ARHGEF10L: variants seen among roughly 807,000 people sequenced by gnomAD.
ARHGEF10L encodes the protein rho guanine nucleotide exchange factor 10-like protein.
Under a neutral mutation model 141.2 loss-of-function variants are expected in ARHGEF10L, and 69 were observed. That is an observed-to-expected ratio of 0.49 (90% CI 0.40 to 0.60). The LOEUF is 0.60. Among genes scored for constraint, ARHGEF10L ranks in the 20% least tolerant of loss-of-function variants. The pLI is 0.00. For missense variants in ARHGEF10L, 1,482 were observed against 1,734.3 expected, an observed-to-expected ratio of 0.85 and a Z score of 2.58; for synonymous variants, 711 against 718.5, an observed-to-expected ratio of 0.99 and a Z score of 0.17.
chr1:17,520,145 C>G, the ARHGEF10L span, among the ~76,000 whole-genome samples: 1 of 152,210 alleles, frequency 6.6e-6, no homozygotes, highest in African/African-American at 2.4e-5. Flanking sequence ...GGCCAGCTTC[C>G]TGGTCCTCCC....
the ARHGEF10L span, among the ~76,000 whole-genome samples, chr1:17,532,879 G>A: frequency 6.6e-6 from 1 of 152,116 alleles, no homozygotes; most frequent in Non-Finnish European, 1.5e-5. Flanking sequence ...ACAAGTGTGA[G>A]CTACTGCACC....
At chr1:17,514,910 C>T in the ARHGEF10L span, among the ~76,000 whole-genome samples, 3 of 152,246 alleles carry the variant, frequency 2.0e-5, no homozygotes, top group Admixed American at 6.5e-5. Flanking sequence ...CCAGCGGCCC[C>T]GTCCAGCCCA....
chr1:17,638,648 C>A lies in ARHGEF10L; in HGVS notation c.2130C>A (p.Asn710Lys). Residue 710 changes from asparagine (N) to lysine (K), a missense_variant, in exon 20 of 29, where the codon AAC becomes AAA. By Grantham distance (94) the Asn-to-Lys change is moderately conservative. This residue lies in a region of ARHGEF10L where 858 missense variants were observed against 966.3 expected (regional missense o/e 0.89). Transcript: ENST00000361221. ...AGGAGGAAGAGATCCACTCGGCCAA[C>A]AAGTGCCGTCTCAGGCTCCTGCTTC... Reference protein sequence around the residue: ...RVKEEEIHSANKCRLRLLLPG... With the variant: ...RVKEEEIHSAKKCRLRLLLPG... The A allele has an allele frequency of 6.2e-7, 1 of 1,614,134 alleles. No homozygotes were observed. Among genetic ancestry groups the A allele is most frequent in the Non-Finnish European group, 8.5e-7 (1 of 1,180,028 alleles).
chr1:17,589,863 G>T (rs1178122616), intron 4 of ARHGEF10L, among the ~76,000 whole-genome samples: 2 of 152,136 alleles, frequency 1.3e-5, no homozygotes, highest in Non-Finnish European at 2.9e-5. Context: ...CGCCCAGGGA[G>T]CTGGGACACT....
intron 20 of ARHGEF10L, among the ~76,000 whole-genome samples, chr1:17,638,891 GAATT>G (rs1210481279): frequency 6.6e-6 from 1 of 152,366 alleles, no homozygotes; most frequent in East Asian, 1.9e-4. Context: ...ATGAATGAAT[GAATT>G]AATGAACAGC....
the ARHGEF10L span, among the ~76,000 whole-genome samples, chr1:17,529,833 T>A: frequency 1.4e-5 from 2 of 143,744 alleles, 1 homozygote; most frequent in African/African-American, 5.2e-5. Context: ...TCTTTTTTTT[T>A]TTTTTTTTTT....
chr1:17,585,084 C>T (rs1026455885), intron 2 of ARHGEF10L, among the ~76,000 whole-genome samples: 1 of 152,122 alleles, frequency 6.6e-6, no homozygotes, highest in Non-Finnish European at 1.5e-5. Flanking sequence ...TGTTTAGAAA[C>T]ATCTGAAACA....
rs1486725809 is a variant in ARHGEF10L at position 17,616,312 on chromosome 1, G to A, written c.835+110G>A. 9.9e-6 allele frequency: 9 copies of A among 911,550 alleles called. No homozygotes were observed. In the East Asian group the frequency reaches 1.3e-4, roughly 13 times the overall value. 56.5% of individuals were successfully genotyped at this position (911,550 alleles called of 1,614,324 possible). A position where few individuals can be genotyped will look rare whatever the true frequency, so the allele number is the denominator to read the frequency against. On this transcript the variant is annotated intron_variant, in intron 9 of 28. Transcript: ENST00000361221. Reference sequence around the variant, plus strand: ...GGTCATGCTGGGTGGGTACCACTTGGCGTATGGTTCCTCTGGTGGTGGGGG... The same window carrying A: ...GGTCATGCTGGGTGGGTACCACTTGACGTATGGTTCCTCTGGTGGTGGGGG...
intron 4 of ARHGEF10L, among the ~76,000 whole-genome samples, chr1:17,591,543 T>TGG (rs2079547470): frequency 6.6e-6 from 1 of 152,112 alleles, no homozygotes; most frequent in African/African-American, 2.4e-5. Context: ...CCTGAGTAGC[T>TGG]GGGATTACAG....
chr1:17,556,226 C>T (rs1162955944), intron 1 of ARHGEF10L, among the ~76,000 whole-genome samples: 3 of 100,348 alleles, frequency 3.0e-5, no homozygotes, highest in Non-Finnish European at 5.6e-5. Context: ...GCTGGGAGCA[C>T]GGAGGTGAGC....
the ARHGEF10L span, among the ~76,000 whole-genome samples, chr1:17,519,368 G>A: frequency 6.6e-6 from 1 of 152,012 alleles, no homozygotes; most frequent in Non-Finnish European, 1.5e-5. Flanking sequence ...CCAGCACTTT[G>A]GGAGGCCTAG....
At chr1:17,604,162 T>C (rs1320131596) in intron 6 of ARHGEF10L, among the ~76,000 whole-genome samples, 7 of 152,072 alleles carry the variant, frequency 4.6e-5, no homozygotes. Context: ...AATCATGTAA[T>C]GGCTTCAAGA....
chr1:17,545,326 C>A (rs1407202868), intron 1 of ARHGEF10L, among the ~76,000 whole-genome samples: 1 of 152,234 alleles, frequency 6.6e-6, no homozygotes, highest in African/African-American at 2.4e-5. Flanking sequence ...TTTGAACTTA[C>A]ATTTTGGTGT....
intron 25 of ARHGEF10L, among the ~76,000 whole-genome samples, chr1:17,658,079 G>A (rs770884788): frequency 2.0e-5 from 3 of 152,220 alleles, no homozygotes; most frequent in South Asian, 2.1e-4. Context: ...GCTGCTTCAG[G>A]TGTTTCCTTG....
chr1:17,634,466 GGCCCCCAGCGGGGTCACA>G, intron 16 of ARHGEF10L, 64 bp from the exon 17 acceptor site: 1 of 1,608,676 alleles, frequency 6.2e-7, no homozygotes, highest in South Asian at 1.1e-5. Flanking sequence ...CCCCATGGCT[GGCCCCCAGCGGGGTCACA>G]GCCCCCAGAT....
the ARHGEF10L span, among the ~76,000 whole-genome samples, chr1:17,519,364 C>G: frequency 6.6e-6 from 1 of 151,954 alleles, no homozygotes; most frequent in Admixed American, 6.6e-5. Context: ...AATCCCAGCA[C>G]TTTGGGAGGC....
In ARHGEF10L at chr1:17,623,237, G is replaced by A. The variant is rs551788007; in HGVS notation, c.1200+62G>A. On this transcript the variant is annotated intron_variant, in intron 12 of 28. Coordinates refer to ENST00000361221, the MANE Select transcript of ARHGEF10L (RefSeq NM_018125.4). The surrounding 1 kb of genome is among the most constrained non-coding windows in gnomAD (Gnocchi z 4.7). ...GTAAAACCACAACCAGTCTGACCCC[G>A]GGGCCATGCAGTCCAGCCTCCTGCC... The A allele has an allele frequency of 1.8e-5, 28 of 1,563,938 alleles. No homozygotes were observed. Among genetic ancestry groups the A allele is most frequent in the African/African-American group, 1.6e-4 (12 of 73,546 alleles).
At chr1:17,690,699 C>A (rs1228117092) in intron 27 of ARHGEF10L, among the ~76,000 whole-genome samples, 1 of 152,170 alleles carries the variant, frequency 6.6e-6, no homozygotes, top group African/African-American at 2.4e-5. Context: ...AATCAGTAAC[C>A]CAGTGGAGCC....
the ARHGEF10L span, among the ~76,000 whole-genome samples, chr1:17,518,802 CAAAAAA>C: frequency 1.0e-5 from 1 of 99,888 alleles, no homozygotes. Flanking sequence ...GATTCTGTCT[CAAAAAA>C]AAAAAAAAAA....
Sources: gnomAD v4.1 joint callset for allele counts (sites outside exome capture counted in the v4.1 genomes callset) on GRCh38, gnomAD v4.1.1 for gene constraint, gnomAD v4.1.1 regional missense constraint, Gnocchi (gnomAD v3.1) non-coding constraint, MANE v1.5 for transcripts, NCBI Gene and HGNC (gene_info 2026-07-23, HGNC 2026-07-21) for gene names.